RFX3: variants seen among roughly 807,000 people sequenced by gnomAD.
The protein encoded by RFX3 is transcription factor RFX3.
In RFX3, 14 loss-of-function variants were observed where a neutral mutation model predicts 98.6. The ratio of observed to expected loss-of-function variants is 0.14; its 90% CI spans 0.09 to 0.22. RFX3 has a LOEUF of 0.22. RFX3 is among the 10% of genes least tolerant of loss of function. RFX3 has a pLI of 1.00. For synonymous variants in RFX3, 383 were observed against 328.4 expected, an observed-to-expected ratio of 1.17 and a Z score of -1.80; for missense variants, 639 against 926.9, an observed-to-expected ratio of 0.69 and a Z score of 4.03.
At chr9:3,366,126 T>C (rs1837037113) in intron 2 of RFX3, among the ~76,000 whole-genome samples, 1 of 152,004 alleles carries the variant, frequency 6.6e-6, no homozygotes, top group South Asian at 2.1e-4. Context: ...CTCCTAAATG[T>C]CTTGGCTCAC....
intron 3 of RFX3, among the ~76,000 whole-genome samples, chr9:3,334,676 G>A (rs1376264409): frequency 6.6e-6 from 1 of 152,118 alleles, no homozygotes; most frequent in Non-Finnish European, 1.5e-5. Flanking sequence ...GGGGTAAAGA[G>A]TAGCAATTTT....
intron 6 of RFX3, among the ~76,000 whole-genome samples, chr9:3,289,256 T>C (rs1382497002): frequency 6.6e-6 from 1 of 152,040 alleles, no homozygotes; most frequent in Non-Finnish European, 1.5e-5. Flanking sequence ...TTTAAAAACA[T>C]ATATTAAATG....
At chr9:3,260,507 G>A (rs554560496) in intron 13 of RFX3, among the ~76,000 whole-genome samples, 8 of 151,500 alleles carry the variant, frequency 5.3e-5, no homozygotes, top group Non-Finnish European at 1.2e-4. Context: ...AAACTTTTTC[G>A]GATATTATTA....
intron 15 of RFX3, among the ~76,000 whole-genome samples, chr9:3,244,375 C>CAT (rs1402904292): frequency 2.0e-5 from 3 of 152,146 alleles, no homozygotes; most frequent in East Asian, 1.9e-4. Flanking sequence ...GAGTTATTAA[C>CAT]ATATATATAT....
chr9:3,231,136 G>A (rs1225523632), intron 15 of RFX3, among the ~76,000 whole-genome samples: 7 of 152,164 alleles, frequency 4.6e-5, no homozygotes, highest in Admixed American at 4.6e-4. Context: ...GGGGGACAAT[G>A]TACAAAGAAT....
At chr9:3,376,919 G>T (rs915843592) in intron 2 of RFX3, among the ~76,000 whole-genome samples, 9 of 152,280 alleles carry the variant, frequency 5.9e-5, no homozygotes, top group Admixed American at 5.9e-4. Flanking sequence ...AGTTAGAATG[G>T]CGATCATTAA....
intron 1 of RFX3, among the ~76,000 whole-genome samples, chr9:3,504,879 T>TTATATATAATATAACATATATTATA (rs1564185361): frequency 4.3e-4 from 23 of 53,188 alleles, no homozygotes; most frequent in East Asian, 1.5e-3. Context: ...ATTATATATA[T>TTATATATAATATAACATATATTATA]TATATATAAT....
chr9:3,442,363 C>A (rs1441737144), intron 1 of RFX3, among the ~76,000 whole-genome samples: 2 of 151,584 alleles, frequency 1.3e-5, no homozygotes, highest in African/African-American at 4.9e-5. Context: ...CCTGTGTAAT[C>A]AAGAAAAGGA....
chr9:3,487,447 C>T (rs1850371182), intron 1 of RFX3, among the ~76,000 whole-genome samples: 1 of 152,184 alleles, frequency 6.6e-6, no homozygotes, highest in South Asian at 2.1e-4. Flanking sequence ...ACTTGTATAT[C>T]CTGTGTACAG....
chr9:3,467,040 A>ATATGTATATACATACATATATATAAG lies in RFX3; in HGVS notation c.-9+58706_-9+58707insCTTATATATATGTATGTATATACATA, dbSNP rs1564138461. Among the ~76,000 whole-genome samples the ATATGTATATACATACATATATATAAG allele has an allele frequency of 2.4e-3, 304 of 124,856 alleles. 1 individual carries two copies. The highest frequency in any genetic ancestry group is 8.0e-3 in the African/African-American group (212 of 26,574). 81.9% of individuals were successfully genotyped at this position (124,856 alleles called of 152,430 possible). A position where few individuals can be genotyped will look rare whatever the true frequency, so the allele number is the denominator to read the frequency against. ...TAAATCTAAAGAATTATATATATAT[A>ATATGTATATACATACATATATATAAG]TATATATGTATATACATACATATAT... is the stretch of plus-strand genomic sequence containing the variant. On this transcript the variant is annotated intron_variant, in intron 1 of 16. Coordinates refer to ENST00000617270, the MANE Select transcript of RFX3 (RefSeq NM_001282116.2).
At chr9:3,348,477 A>G (rs951076707) in intron 2 of RFX3, among the ~76,000 whole-genome samples, 1 of 151,208 alleles carries the variant, frequency 6.6e-6, no homozygotes. Context: ...TATTATGTTA[A>G]ATAATAAAGG....
chr9:3,233,062 T>C (rs1818689325), intron 15 of RFX3, among the ~76,000 whole-genome samples: 1 of 152,138 alleles, frequency 6.6e-6, no homozygotes, highest in Non-Finnish European at 1.5e-5. Flanking sequence ...AAGAAATACT[T>C]CCTATCCTAT....
At chr9:3,366,015 C>T (rs370028327) in intron 2 of RFX3, among the ~76,000 whole-genome samples, 57 of 152,080 alleles carry the variant, frequency 3.7e-4, no homozygotes, top group African/African-American at 1.2e-3. Context: ...CTGCTCCACA[C>T]GCTCACTTGG....
chr9:3,396,240 T>G (rs1036429909), intron 1 of RFX3, among the ~76,000 whole-genome samples: 2 of 152,044 alleles, frequency 1.3e-5, no homozygotes, highest in Non-Finnish European at 2.9e-5. Context: ...CCTTCCTGTG[T>G]CCATGTGTTC....
At chr9:3,238,779 G>A (rs947708214) in intron 15 of RFX3, among the ~76,000 whole-genome samples, 5 of 152,068 alleles carry the variant, frequency 3.3e-5, no homozygotes, top group African/African-American at 1.2e-4. Flanking sequence ...CGTGAGGTCG[G>A]GAGTTTGACA....
chr9:3,394,124 G>A (rs1426234033), intron 2 of RFX3, among the ~76,000 whole-genome samples: 1 of 152,086 alleles, frequency 6.6e-6, no homozygotes. Context: ...TTGTATATGT[G>A]TATATGGCAG....
intron 1 of RFX3, among the ~76,000 whole-genome samples, chr9:3,433,572 GT>G (rs1428097663): frequency 5.3e-5 from 8 of 152,184 alleles, no homozygotes; most frequent in Non-Finnish European, 1.2e-4. Flanking sequence ...GCTTCTGACT[GT>G]GCTTGGGTGG....
intron 1 of RFX3, among the ~76,000 whole-genome samples, chr9:3,519,245 T>C (rs1818468061): frequency 6.6e-6 from 1 of 152,162 alleles, no homozygotes; most frequent in Non-Finnish European, 1.5e-5. Flanking sequence ...AACATAACTT[T>C]GGGCTAGCAT....
At chr9:3,439,074 A>G (rs761174369) in intron 1 of RFX3, among the ~76,000 whole-genome samples, 73 of 151,978 alleles carry the variant, frequency 4.8e-4, no homozygotes, top group Non-Finnish European at 8.8e-4. Flanking sequence ...TAAATAAACC[A>G]AAGGGTCAAA....
Sources: gnomAD v4.1 joint callset for allele counts (sites outside exome capture counted in the v4.1 genomes callset) on GRCh38, gnomAD v4.1.1 for gene constraint, MANE v1.5 for transcripts, NCBI Gene and HGNC (gene_info 2026-07-23, HGNC 2026-07-21) for gene names.